JAK1: variants seen among roughly 807,000 people sequenced by gnomAD.
JAK1 encodes Janus kinase 1, also known as tyrosine-protein kinase JAK1.
A neutral mutation model predicts 136.6 loss-of-function variants in JAK1; 16 were observed. The ratio of observed to expected loss-of-function variants is 0.12; its 90% confidence interval spans 0.08 to 0.18. The LOEUF (loss-of-function observed/expected upper bound fraction) is 0.18. Among genes scored for constraint, JAK1 ranks in the 10% least tolerant of loss-of-function variants. The probability of loss-of-function intolerance (pLI) is 1.00; values close to 1 mark genes in which losing one functional copy is unlikely to be tolerated. For missense variants in JAK1, 859 were observed against 1,450.1 expected, an observed-to-expected ratio of 0.59 and a Z score of 6.62; for synonymous variants, 492 against 519.5, an observed-to-expected ratio of 0.95 and a Z score of 0.72.
chr1:64,999,233 T>G (rs1302675173), intron 2 of JAK1, among the ~76,000 whole-genome samples: 1 of 152,220 alleles, frequency 6.6e-6, no homozygotes, highest in Non-Finnish European at 1.5e-5. Context: ...CATGACATAA[T>G]AGGCTGTTTC....
chr1:65,066,992 T>C (rs1206543273), intron 1 of JAK1, among the ~76,000 whole-genome samples: 1 of 151,944 alleles, frequency 6.6e-6, no homozygotes, highest in Non-Finnish European at 1.5e-5. Context: ...GCGTTGCCAC[T>C]GACACCCCAG....
intron 1 of JAK1, among the ~76,000 whole-genome samples, chr1:64,952,251 G>T (rs754420242): frequency 6.6e-6 from 1 of 152,282 alleles, no homozygotes; most frequent in East Asian, 1.9e-4. Context: ...GGTGCCTAGA[G>T]GCCTTATTAA....
chr1:64,966,922 A>C (rs1265495075), upstream of JAK1, among the ~76,000 whole-genome samples: 1 of 151,968 alleles, frequency 6.6e-6, no homozygotes, highest in Admixed American at 6.6e-5. Context: ...CCTCCTCCGT[A>C]TACGCTCCGC....
At chr1:64,962,411 G>C (rs962566864) in intron 1 of JAK1, among the ~76,000 whole-genome samples, 3 of 152,214 alleles carry the variant, frequency 2.0e-5, no homozygotes, top group Non-Finnish European at 4.4e-5. Flanking sequence ...GGACTGGGCA[G>C]TTTATCCGCA....
intron 2 of JAK1, among the ~76,000 whole-genome samples, chr1:65,021,910 A>T (rs1646941049): frequency 6.6e-6 from 1 of 152,224 alleles, no homozygotes; most frequent in Non-Finnish European, 1.5e-5. Context: ...CCTGACTTTC[A>T]GACTCATTTG....
intron 2 of JAK1, among the ~76,000 whole-genome samples, chr1:65,018,214 C>T (rs927748159): frequency 1.3e-5 from 2 of 151,654 alleles, no homozygotes; most frequent in Non-Finnish European, 2.9e-5. Flanking sequence ...GATTTATAGC[C>T]TTACATTTTA....
intron 1 of JAK1, among the ~76,000 whole-genome samples, chr1:64,947,404 T>C (rs1646006601): frequency 6.6e-6 from 1 of 152,104 alleles, no homozygotes; most frequent in Non-Finnish European, 1.5e-5. Flanking sequence ...CAAACACAAG[T>C]CTTTCAGGGA....
At chr1:65,060,803 A>G (rs980156570) in intron 1 of JAK1, among the ~76,000 whole-genome samples, 4 of 152,226 alleles carry the variant, frequency 2.6e-5, no homozygotes, top group African/African-American at 9.6e-5. Flanking sequence ...AAATGTTTAT[A>G]AACGTGCATT....
intron 2 of JAK1, among the ~76,000 whole-genome samples, chr1:64,997,067 A>T (rs1646710396): frequency 6.6e-6 from 1 of 152,206 alleles, no homozygotes; most frequent in Non-Finnish European, 1.5e-5. Flanking sequence ...ACAAACAAAA[A>T]ATCAAGGAGA....
At chr1:65,053,917 T>C (rs1189930414) in intron 1 of JAK1, among the ~76,000 whole-genome samples, 1 of 152,220 alleles carries the variant, frequency 6.6e-6, no homozygotes, top group Non-Finnish European at 1.5e-5. Flanking sequence ...TAGCAAAATA[T>C]TTGAAATTAG....
rs1198784285 is a variant in JAK1 at position 64,838,109 on chromosome 1, G to C, written c.2968-5C>G. On this transcript the variant is annotated splice_polypyrimidine_tract_variant and splice_region_variant and intron_variant, in intron 21 of 24. Transcript: ENST00000342505. ...AGAACCCAAATAGTCCATCCCCTGA[G>C]AGAGAGAAGTAAAAGTCAAGCACAT... 2 of 1,609,788 alleles carry C rather than the reference G, an allele frequency of 1.2e-6. No individual in the cohort carries two copies. The highest frequency in any genetic ancestry group is 1.7e-6 in the Non-Finnish European group (2 of 1,177,082).
intron 1 of JAK1, chr1:64,918,567 G>C (rs11578139): frequency 0.043 from 7,105 of 164,306 alleles, 285 homozygotes; most frequent in Admixed American, 0.14. Flanking sequence ...CCAGATGTTA[G>C]TTGGGCCAGA....
intron 2 of JAK1, among the ~76,000 whole-genome samples, chr1:65,007,902 C>A (rs1490390524): frequency 2.0e-5 from 3 of 151,996 alleles, no homozygotes; most frequent in Non-Finnish European, 4.4e-5. Flanking sequence ...CACACCACCA[C>A]ACTCAGCTAA....
chr1:65,018,733 G>A (rs1646911966), intron 2 of JAK1, among the ~76,000 whole-genome samples: 1 of 152,114 alleles, frequency 6.6e-6, no homozygotes, highest in Non-Finnish European at 1.5e-5. Context: ...AATAAAGGCC[G>A]GGCCCGGCGG....
chr1:64,899,588 C>T (rs1645073865), intron 1 of JAK1, among the ~76,000 whole-genome samples: 1 of 152,184 alleles, frequency 6.6e-6, no homozygotes, highest in East Asian at 1.9e-4. Context: ...CAAAATATGA[C>T]TTTTTGACTA....
chr1:64,907,510 G>A (rs1645210233), intron 1 of JAK1, among the ~76,000 whole-genome samples: 1 of 152,162 alleles, frequency 6.6e-6, no homozygotes, highest in Non-Finnish European at 1.5e-5. Context: ...ACACACAGCG[G>A]GGAACATCAC....
chr1:64,839,003 G>A lies in JAK1; in HGVS notation c.2843-414C>T, dbSNP rs543451752. On this transcript the variant is annotated intron_variant, in intron 20 of 24. Coordinates refer to ENST00000342505, the MANE Select transcript of JAK1 (RefSeq NM_002227.4). ...TACTAAAAATACAAAAAAATTAGCC[G>A]GGCGTGATGGCGGGCGCCTGTAGTC... 5.8e-3 allele frequency among the ~76,000 whole-genome samples: 878 copies of A among 151,116 alleles called. 8 individuals are homozygous for A. Among genetic ancestry groups the A allele is most frequent in the Non-Finnish European group, 9.3e-3 (630 of 67,800 alleles).
chr1:64,890,675 G>C (rs1208258482), intron 1 of JAK1, among the ~76,000 whole-genome samples: 4 of 152,092 alleles, frequency 2.6e-5, no homozygotes, highest in Non-Finnish European at 5.9e-5. Context: ...CTTTTTGCAA[G>C]AGGCTATAGA....
At chr1:64,871,042 C>T (rs1015198406) in intron 5 of JAK1, among the ~76,000 whole-genome samples, 3 of 152,222 alleles carry the variant, frequency 2.0e-5, no homozygotes, top group East Asian at 1.9e-4. Flanking sequence ...CCTCTGCTCC[C>T]GGGAAAGGTA....
Sources: gnomAD v4.1 joint callset for allele counts (sites outside exome capture counted in the v4.1 genomes callset) on GRCh38, gnomAD v4.1.1 for gene constraint, MANE v1.5 for transcripts, NCBI Gene and HGNC (gene_info 2026-07-23, HGNC 2026-07-21) for gene names.